The following MERTK variants were observed in gnomAD, a reference collection of about 807,000 sequenced individuals.
MERTK encodes the protein tyrosine-protein kinase Mer.
MERTK carries 69 observed loss-of-function variants against 99.3 expected under a neutral mutation model. The observed-to-expected ratio is 0.70, with a 90% CI of 0.57 to 0.85. MERTK has a LOEUF of 0.85. Ranked by LOEUF, MERTK falls within the 40% of genes least tolerant of loss-of-function variation. The probability of loss-of-function intolerance (pLI) is 0.00; values close to 1 mark genes in which losing one functional copy is unlikely to be tolerated. For synonymous variants in MERTK, 426 were observed against 467.6 expected, an observed-to-expected ratio of 0.91 and a Z score of 1.15; for missense variants, 1,125 against 1,249.4, an observed-to-expected ratio of 0.90 and a Z score of 1.50.
At chr2:112,004,791 T>G (rs1354368878) in intron 13 of MERTK, among the ~76,000 whole-genome samples, 1 of 151,738 alleles carries the variant, frequency 6.6e-6, no homozygotes, top group Non-Finnish European at 1.5e-5. Flanking sequence ...ACACCTGTAA[T>G]CCCAGGTGAC....
At chr2:111,925,740 C>T (rs1251219211) in intron 1 of MERTK, among the ~76,000 whole-genome samples, 1 of 151,950 alleles carries the variant, frequency 6.6e-6, no homozygotes, top group African/African-American at 2.4e-5. Flanking sequence ...CAGCTTGGCT[C>T]ATGGAAAACT....
intron 9 of MERTK, chr2:111,996,133 A>C (rs546812481): frequency 6.5e-6 from 1 of 154,438 alleles, no homozygotes; most frequent in South Asian, 2.0e-4. Context: ...AACGTGGGGA[A>C]GCCATGTTTG....
chr2:111,975,468 A>C lies in MERTK; in HGVS notation c.1140A>C (p.Glu380Asp), dbSNP rs746786777. The C allele has an allele frequency of 6.2e-6, 10 of 1,614,098 alleles. No homozygotes were observed. Among genetic ancestry groups the C allele is most frequent in the Non-Finnish European group, 8.5e-6 (10 of 1,179,970 alleles). Residue 380 changes from glutamate to aspartate, a missense_variant, in exon 7 of 19, where the codon GAA becomes GAC. Glu to Asp is a conservative substitution (Grantham distance 45). Transcript: ENST00000295408. ...VSPWILASTT[E>D]GAPSVAPLNV... ...CTTGGATTCTAGCCAGCACGACTGA[A>C]GGAGGTAATTCCTGGGGTTCAGAAT...
intron 14 of MERTK, among the ~76,000 whole-genome samples, chr2:112,009,551 A>G (rs191036392): frequency 3.0e-4 from 46 of 152,312 alleles, no homozygotes; most frequent in African/African-American, 1.1e-3. Context: ...CTAGTTCAGT[A>G]TTGACTTTGA....
chr2:112,008,636 T>C, intron 14 of MERTK, 161 bp downstream of exon 14: 1 of 735,516 alleles, frequency 1.4e-6, no homozygotes, highest in South Asian at 1.4e-5. Context: ...CATAATGATG[T>C]TTTCTGAGGC....
chr2:111,920,648 T>A (rs995526462), intron 1 of MERTK, among the ~76,000 whole-genome samples: 2 of 151,914 alleles, frequency 1.3e-5, no homozygotes, highest in Admixed American at 6.6e-5. Flanking sequence ...CTCTTTATTT[T>A]ATTTATTTAT....
intron 2 of MERTK, chr2:111,940,946 A>C: frequency 4.6e-6 from 3 of 658,866 alleles, no homozygotes; most frequent in Non-Finnish European, 8.8e-6. Flanking sequence ...TCTTCAAGCC[A>C]AACAGTGAAG....
chr2:112,021,630 C>A, intron 17 of MERTK, 49 bp downstream of exon 17: 1 of 1,537,210 alleles, frequency 6.5e-7, no homozygotes, highest in Non-Finnish European at 9.0e-7. Flanking sequence ...AAGAGGAGGG[C>A]ATATTGAAAG....
intron 10 of MERTK, among the ~76,000 whole-genome samples, chr2:111,999,453 C>T (rs1676822329): frequency 1.3e-5 from 2 of 152,016 alleles, no homozygotes; most frequent in South Asian, 4.1e-4. Flanking sequence ...CACATACCAC[C>T]ATGTCTGGCT....
intron 8 of MERTK, among the ~76,000 whole-genome samples, chr2:111,988,505 A>G (rs1676540333): frequency 6.6e-6 from 1 of 152,172 alleles, no homozygotes; most frequent in Non-Finnish European, 1.5e-5. Context: ...CAATTCTGTA[A>G]GAAGGTTTTG....
chr2:111,908,804 G>A (rs1684188789), intron 1 of MERTK, among the ~76,000 whole-genome samples: 1 of 152,166 alleles, frequency 6.6e-6, no homozygotes, highest in Admixed American at 6.5e-5. Context: ...AATGGCTGCT[G>A]TGCTTCTGGG....
chr2:112,020,192 C>T (rs1677309320), intron 16 of MERTK, among the ~76,000 whole-genome samples: 1 of 152,244 alleles, frequency 6.6e-6, no homozygotes, highest in African/African-American at 2.4e-5. Context: ...CCCAGCCGAC[C>T]CTGCCCCTAG....
At position 111,929,454 on chromosome 2, in the gene MERTK, A is replaced by G. The variant is rs759323792; in HGVS notation, c.396A>G (p.Lys132=). The change falls in exon 2 of 19, where the codon AAA becomes AAG. Residue 132 remains lysine (K), a synonymous_variant. Coordinates refer to ENST00000295408, the MANE Select transcript of MERTK (RefSeq NM_006343.3). ...AGGACACCACAATTTCTTGGTGGAA[A>G]GATGGGAAGGAATTGCTTGGGGCAC... The part of the protein sequence containing the change: ...IYQDTTISWW[K]DGKELLGAHH... The G allele has an allele frequency of 5.0e-6, 8 of 1,614,184 alleles. No homozygotes were observed. The highest frequency in any genetic ancestry group is 2.2e-5 in the East Asian group (1 of 44,888).
intron 4 of MERTK, among the ~76,000 whole-genome samples, chr2:111,951,901 T>A (rs180873368): frequency 6.6e-6 from 1 of 152,276 alleles, no homozygotes; most frequent in East Asian, 1.9e-4. Context: ...AGAAAATAGA[T>A]TTTTGTATGT....
chr2:112,024,423 G>T (rs1677422282), intron 18 of MERTK, among the ~76,000 whole-genome samples: 1 of 152,216 alleles, frequency 6.6e-6, no homozygotes, highest in South Asian at 2.1e-4. Context: ...CACGCCGTGT[G>T]GCTGGGGAAG....
At chr2:111,922,773 C>CT (rs1486969603) in intron 1 of MERTK, among the ~76,000 whole-genome samples, 1 of 152,256 alleles carries the variant, frequency 6.6e-6, no homozygotes, top group Non-Finnish European at 1.5e-5. Flanking sequence ...CCTCAGCCCT[C>CT]TGACTGCAAA....
intron 15 of MERTK, among the ~76,000 whole-genome samples, chr2:112,018,075 G>C (rs10187041): frequency 2.0e-5 from 3 of 151,774 alleles, no homozygotes; most frequent in Non-Finnish European, 4.4e-5. Flanking sequence ...TCCTACACAA[G>C]AAGAAGGAGG....
chr2:111,968,939 G>T (rs1224857994), intron 6 of MERTK, among the ~76,000 whole-genome samples: 1 of 152,184 alleles, frequency 6.6e-6, no homozygotes, highest in African/African-American at 2.4e-5. Flanking sequence ...GGCCATGAAG[G>T]ACAGAAGGGC....
At position 111,898,663 on chromosome 2, in the gene MERTK, C is replaced by A; in HGVS notation, c.-73C>A. 2 of 1,537,782 alleles carry A rather than the reference C, an allele frequency of 1.3e-6. No individual in the cohort carries two copies. The highest frequency in any genetic ancestry group is 2.4e-5 in the East Asian group (1 of 41,760). On this transcript the variant is annotated 5_prime_UTR_variant, in exon 1 of 19. Coordinates refer to ENST00000295408, the MANE Select transcript of MERTK (RefSeq NM_006343.3). ...AGGGAGCTTCGCTGGCGCGCTTGGCCGGCGACAGGACAGGTTCGGGACGTC... is the reference window on the plus strand; with the variant it reads ...AGGGAGCTTCGCTGGCGCGCTTGGCAGGCGACAGGACAGGTTCGGGACGTC...
Sources: gnomAD v4.1 joint callset for allele counts (sites outside exome capture counted in the v4.1 genomes callset) on GRCh38, gnomAD v4.1.1 for gene constraint, MANE v1.5 for transcripts, NCBI Gene and HGNC (gene_info 2026-07-23, HGNC 2026-07-21) for gene names.